CLDN3: variants seen among roughly 807,000 people sequenced by gnomAD.
CLDN3 encodes claudin 3.
In CLDN3, 6 loss-of-function variants were observed where a neutral mutation model predicts 16.3. The ratio of observed to expected loss-of-function variants is 0.37; its 90% CI spans 0.20 to 0.73. CLDN3 has a LOEUF of 0.73. CLDN3 is among the 30% of genes least tolerant of loss of function. The pLI, the probability that CLDN3 is intolerant of heterozygous loss-of-function variation, is 0.52. For missense variants in CLDN3, 248 were observed against 305.2 expected (o/e 0.81, Z 1.40); for synonymous variants, 145 against 150.1 (o/e 0.97, Z 0.25).
chr7:73,769,206 G>T lies in CLDN3; in HGVS notation c.*181C>A, dbSNP rs1019821355. The T allele has an allele frequency of 1.4e-6, 2 of 1,411,432 alleles. No individual in the cohort carries two copies. The highest frequency in any genetic ancestry group is 1.5e-5 in the South Asian group (1 of 66,654). 87.4% of individuals were successfully genotyped at this position (1,411,432 alleles called of 1,614,324 possible). On this transcript the variant is annotated 3_prime_UTR_variant, in exon 1 of 1. Transcript: ENST00000395145. ...GGCCCCGAAGTCGACTGCCCGGCCC[G>T]CAAAGCCGTGGCTGCTGGGGAAGCT...
rs1787010764 is a variant in CLDN3, at chr7:73,769,495, G to A, written c.555C>T (p.Pro185=). 6.2e-7 allele frequency: 1 copy of A among 1,609,764 alleles called. No homozygotes were observed. Residue 185 remains proline, a synonymous_variant, in exon 1 of 1, where the codon CCC becomes CCT. Coordinates refer to ENST00000395145, the MANE Select transcript of CLDN3 (RefSeq NM_001306.4). ...LGGALLCCSC[P]PREKKYTATK... ...TGGCCGTGTACTTCTTCTCGCGTGG[G>A]GGACACGAGCAGCAGAGCAGCGCGC... is the stretch of plus-strand genomic sequence containing the variant.
Position 73,770,086 on chromosome 7 carries a change from C to T in CLDN3, c.-37G>A, listed in dbSNP as rs1345543732. ...CAAGGCCCGCTCCACCGGGTGGCTC[C>T]GGGTGCGGGGAGACGAGGGGCCGGG... On this transcript the variant is annotated 5_prime_UTR_variant, in exon 1 of 1. Coordinates refer to ENST00000395145, the MANE Select transcript of CLDN3 (RefSeq NM_001306.4). The surrounding 1 kb of genome is among the most constrained non-coding windows in gnomAD (Gnocchi z 5.7). 2.9e-5 allele frequency: 42 copies of T among 1,449,578 alleles called. No individual in the cohort carries two copies. Among genetic ancestry groups the T allele is most frequent in the Non-Finnish European group, 2.9e-5 (32 of 1,100,740 alleles). The allele number at this position is 1,449,578 out of a possible 1,614,324, so 89.8% of individuals were successfully genotyped here. A position where few individuals can be genotyped will look rare whatever the true frequency, so the allele number is the denominator to read the frequency against.
In CLDN3 at chr7:73,769,364, T is replaced by A. The variant is rs1274992648; in HGVS notation, c.*23A>T. ...GTGGTGTTGGTGGTGGTGGTGGTGGTGGGGTCTCCCTGCGTCTGTCCCTTA... is the reference window on the plus strand; with the variant it reads ...GTGGTGTTGGTGGTGGTGGTGGTGGAGGGGTCTCCCTGCGTCTGTCCCTTA... On this transcript the variant is annotated 3_prime_UTR_variant, in exon 1 of 1. Transcript: ENST00000395145. 1 of 1,564,278 alleles carries A rather than the reference T, an allele frequency of 6.4e-7. No homozygotes were observed. Among genetic ancestry groups the A allele is most frequent in the African/African-American group, 1.4e-5 (1 of 73,900 alleles).
In CLDN3 at chr7:73,769,310, G is replaced by T; in HGVS notation, c.*77C>A. 1.3e-6 allele frequency: 2 copies of T among 1,524,872 alleles called. No individual in the cohort carries two copies. The highest frequency in any genetic ancestry group is 2.3e-5 in the East Asian group (1 of 43,346). The allele number at this position is 1,524,872 out of a possible 1,614,324, so 94.5% of individuals were successfully genotyped here. ...GGCAAGGCTGCACGCTGGATGGCCT[G>T]GTGCGCGCTCCAGCTCGCGGTGGTG... On this transcript the variant is annotated 3_prime_UTR_variant, in exon 1 of 1. Coordinates refer to ENST00000395145, the MANE Select transcript of CLDN3 (RefSeq NM_001306.4).
chr7:73,769,744 C>T lies in CLDN3; in HGVS notation c.306G>A (p.Gln102=). 3 of 1,611,010 alleles carry T rather than the reference C, an allele frequency of 1.9e-6. No homozygotes were observed. Among genetic ancestry groups the T allele is most frequent in the Non-Finnish European group, 2.5e-6 (3 of 1,178,750 alleles). ...TGTCGTCCTGCACGCAGTTGGTGCA[C>T]TGGGCGCCCACCAGCGCCACTAGCA... ...FGLLVALVGA[Q]CTNCVQDDTA... Residue 102 remains glutamine (Q), a synonymous_variant, in exon 1 of 1, where the codon CAG becomes CAA. Coordinates refer to ENST00000395145, the MANE Select transcript of CLDN3 (RefSeq NM_001306.4).
chr7:73,769,272 G>C lies in CLDN3; in HGVS notation c.*115C>G. 2.1e-6 allele frequency: 3 copies of C among 1,462,142 alleles called. No individual in the cohort carries two copies. Among genetic ancestry groups the C allele is most frequent in the Non-Finnish European group, 2.7e-6 (3 of 1,112,154 alleles). The allele number at this position is 1,462,142 out of a possible 1,614,324, so 90.6% of individuals were successfully genotyped here. A position where few individuals can be genotyped will look rare whatever the true frequency, so the allele number is the denominator to read the frequency against. On this transcript the variant is annotated 3_prime_UTR_variant, in exon 1 of 1. Coordinates refer to ENST00000395145, the MANE Select transcript of CLDN3 (RefSeq NM_001306.4). Reference sequence around the variant, plus strand: ...GGGGGCTTCCTGGCTTCTGGGGGTGGGCTGGCCTCCGAGGCAAGGCTGCAC... The same window carrying C: ...GGGGGCTTCCTGGCTTCTGGGGGTGCGCTGGCCTCCGAGGCAAGGCTGCAC...
At position 73,769,282 on chromosome 7, in the gene CLDN3, C is replaced by G; in HGVS notation, c.*105G>C. On this transcript the variant is annotated 3_prime_UTR_variant, in exon 1 of 1. Coordinates refer to ENST00000395145, the MANE Select transcript of CLDN3 (RefSeq NM_001306.4). ...TGGCTTCTGGGGGTGGGCTGGCCTC[C>G]GAGGCAAGGCTGCACGCTGGATGGC... is the stretch of plus-strand genomic sequence containing the variant. 3 of 1,475,218 alleles carry G rather than the reference C, an allele frequency of 2.0e-6. No individual in the cohort carries two copies. Among genetic ancestry groups the G allele is most frequent in the Non-Finnish European group, 2.7e-6 (3 of 1,119,190 alleles). 91.4% of individuals were successfully genotyped at this position (1,475,218 alleles called of 1,614,324 possible). A position where few individuals can be genotyped will look rare whatever the true frequency, so the allele number is the denominator to read the frequency against.
At position 73,769,019 on chromosome 7, in the gene CLDN3, G is replaced by T; in HGVS notation, c.*368C>A. On this transcript the variant is annotated 3_prime_UTR_variant, in exon 1 of 1. Transcript: ENST00000395145. ...GAGTGCAAAACGAAAGGCTTTTATT[G>T]AAAAATATCAAGTGCCCCTTCCAGG... 3.1e-6 allele frequency: 1 copy of T among 322,994 alleles called. No homozygotes were observed. The highest frequency in any genetic ancestry group is 6.9e-5 in the South Asian group (1 of 14,402). 20.0% of individuals were successfully genotyped at this position (322,994 alleles called of 1,614,324 possible).
chr7:73,769,995 C>A lies in CLDN3; in HGVS notation c.55G>T (p.Gly19Cys). 6.2e-7 allele frequency: 1 copy of A among 1,611,562 alleles called. No individual in the cohort carries two copies. Among genetic ancestry groups the A allele is most frequent in the Non-Finnish European group, 8.5e-7 (1 of 1,179,256 alleles). ...GTALAVLGWL[G>C]TIVCCALPMW... ...GGCAACGCGCAGCACACGATGGTGCCCAGCCAGCCCAGCACGGCCAGCGCG... is the reference window on the plus strand; with the variant it reads ...GGCAACGCGCAGCACACGATGGTGCACAGCCAGCCCAGCACGGCCAGCGCG... Residue 19 changes from glycine (G) to cysteine (C), a missense_variant, in exon 1 of 1, where the codon GGC becomes TGC. Coordinates refer to ENST00000395145, the MANE Select transcript of CLDN3 (RefSeq NM_001306.4).
At position 73,769,567 on chromosome 7, in the gene CLDN3, C is replaced by G; in HGVS notation, c.483G>C (p.Ala161=). 2 of 1,603,522 alleles carry G rather than the reference C, an allele frequency of 1.2e-6. No individual in the cohort carries two copies. The change falls in exon 1 of 1, where the codon GCG becomes GCC. Residue 161 remains alanine, a synonymous_variant. Transcript: ENST00000395145. ...CGGCCGCCCAGCCCACGTACAGGCC[C>G]GCGCCCATCTCGCGCTTCTGCGCCT... is the stretch of plus-strand genomic sequence containing the variant. The part of the protein sequence containing the change: ...VPEAQKREMG[A]GLYVGWAAAA...
Position 73,770,184 on chromosome 7 carries a change from GC to G in CLDN3, c.-136del. ...GGACGGACTGACTCACCGACGGCGCGCGCTAACGGCTCGGCTCCATACGCTC... is the reference window on the plus strand; with the variant it reads ...GGACGGACTGACTCACCGACGGCGCGGCTAACGGCTCGGCTCCATACGCTC... On this transcript the variant is annotated 5_prime_UTR_variant, in exon 1 of 1. Coordinates refer to ENST00000395145, the MANE Select transcript of CLDN3 (RefSeq NM_001306.4). This position sits in a 1 kb window ranked among gnomAD's most constrained non-coding sequence, Gnocchi z 5.7. 1 of 1,291,676 alleles carries G rather than the reference GC, an allele frequency of 7.7e-7. No individual in the cohort carries two copies. Among genetic ancestry groups the G allele is most frequent in the Non-Finnish European group, 1.0e-6 (1 of 1,001,222 alleles). 80.0% of individuals were successfully genotyped at this position (1,291,676 alleles called of 1,614,324 possible).
At position 73,769,246 on chromosome 7, in the gene CLDN3, C is replaced by T. The variant is rs1314549230; in HGVS notation, c.*141G>A. 2 of 1,439,796 alleles carry T rather than the reference C, an allele frequency of 1.4e-6. No homozygotes were observed. Among genetic ancestry groups the T allele is most frequent in the Non-Finnish European group, 1.8e-6 (2 of 1,101,782 alleles). The allele number at this position is 1,439,796 out of a possible 1,614,324, so 89.2% of individuals were successfully genotyped here. On this transcript the variant is annotated 3_prime_UTR_variant, in exon 1 of 1. Transcript: ENST00000395145. The stretch of plus-strand genomic sequence containing the variant: ...CTGGGGAAGCTGCCCCAGTCCAGCG[C>T]GGGGGCTTCCTGGCTTCTGGGGGTG...
rs1219855497 is a variant in CLDN3, at chr7:73,769,605, G to A, written c.445C>T (p.Pro149Ser). 10 of 1,611,372 alleles carry A rather than the reference G, an allele frequency of 6.2e-6. No homozygotes were observed. Among genetic ancestry groups the A allele is most frequent in the Non-Finnish European group, 8.5e-6 (10 of 1,179,032 alleles). The change falls in exon 1 of 1, where the codon CCC becomes TCC. Residue 149 changes from proline to serine, a missense_variant. Pro to Ser is a moderately conservative substitution (Grantham distance 74, BLOSUM62 -1). Transcript: ENST00000395145. ...ANTIIRDFYN[P>S]VVPEAQKREM... ...CGCTTCTGCGCCTCGGGCACCACGG[G>A]GTTGTAGAAGTCCCGGATAATGGTG...
chr7:73,769,614 A>C lies in CLDN3; in HGVS notation c.436T>G (p.Phe146Val), dbSNP rs1787014350. 1 of 1,612,250 alleles carries C rather than the reference A, an allele frequency of 6.2e-7. No individual in the cohort carries two copies. Among genetic ancestry groups the C allele is most frequent in the Non-Finnish European group, 8.5e-7 (1 of 1,179,394 alleles). Residue 146 changes from phenylalanine to valine, a missense_variant, in exon 1 of 1, where the codon TTC becomes GTC. Phe to Val is a conservative substitution (Grantham distance 50). Coordinates refer to ENST00000395145, the MANE Select transcript of CLDN3 (RefSeq NM_001306.4). ...GCCTCGGGCACCACGGGGTTGTAGA[A>C]GTCCCGGATAATGGTGTTGGCCGAC... Reference protein sequence around the residue: ...SWSANTIIRDFYNPVVPEAQK... With the variant: ...SWSANTIIRDVYNPVVPEAQK...
In CLDN3 at chr7:73,769,316, C is replaced by T. The variant is rs1258213084; in HGVS notation, c.*71G>A. 31 of 1,526,732 alleles carry T rather than the reference C, an allele frequency of 2.0e-5. No homozygotes were observed. Among genetic ancestry groups the T allele is most frequent in the Non-Finnish European group, 2.6e-5 (30 of 1,143,814 alleles). The allele number at this position is 1,526,732 out of a possible 1,614,324, so 94.6% of individuals were successfully genotyped here. A position where few individuals can be genotyped will look rare whatever the true frequency, so the allele number is the denominator to read the frequency against. On this transcript the variant is annotated 3_prime_UTR_variant, in exon 1 of 1. Transcript: ENST00000395145. ...GCTGCACGCTGGATGGCCTGGTGCG[C>T]GCTCCAGCTCGCGGTGGTGGTGGTG...
At position 73,769,918 on chromosome 7, in the gene CLDN3, G is replaced by A. The variant is rs782636106; in HGVS notation, c.132C>T (p.Asn44=). The change falls in exon 1 of 1, where the codon AAC becomes AAT. Residue 44 remains asparagine (N), a synonymous_variant. Coordinates refer to ENST00000395145, the MANE Select transcript of CLDN3 (RefSeq NM_001306.4). Reference sequence around the variant, plus strand: ...AGTTCATCCACAGGCCCTCCCAGATGTTCTGCGACGTGATGATGTTGCTGC... The same window carrying A: ...AGTTCATCCACAGGCCCTCCCAGATATTCTGCGACGTGATGATGTTGCTGC... ...FIGSNIITSQ[N]IWEGLWMNCV... 56 of 1,613,208 alleles carry A rather than the reference G, an allele frequency of 3.5e-5. No individual in the cohort carries two copies. In the Admixed American group the frequency reaches 9.2e-4, roughly 26 times the overall value.
Position 73,769,765 on chromosome 7 carries a change from TAGCAGCCCGAAGGCGGCC to T in CLDN3, c.267_284del (p.Ala90_Leu95del). ...TGCACTGGGCGCCCACCAGCGCCAC[TAGCAGCCCGAAGGCGGCC>T]AGCAGGATGGCCACCACGATGAGGG... On this transcript the variant is annotated inframe_deletion, in exon 1 of 1. Coordinates refer to ENST00000395145, the MANE Select transcript of CLDN3 (RefSeq NM_001306.4). 6.2e-7 allele frequency: 1 copy of T among 1,611,286 alleles called. No homozygotes were observed. Among genetic ancestry groups the T allele is most frequent in the Non-Finnish European group, 8.5e-7 (1 of 1,178,914 alleles).
In CLDN3 at chr7:73,770,023, G is replaced by T. The variant is rs1554626774; in HGVS notation, c.27C>A (p.Gly9=). The T allele has an allele frequency of 6.2e-7, 1 of 1,601,738 alleles. No homozygotes were observed. Among genetic ancestry groups the T allele is most frequent in the Non-Finnish European group, 8.5e-7 (1 of 1,174,418 alleles). ...GCCAGCCCAGCACGGCCAGCGCGGT[G>T]CCCGTGATCTCCAGGCCCATGGACA... MSMGLEIT[G]TALAVLGWLG... The change falls in exon 1 of 1, where the codon GGC becomes GGA. Residue 9 remains glycine (G), a synonymous_variant. Transcript: ENST00000395145. The surrounding 1 kb of genome is among the most constrained non-coding windows in gnomAD (Gnocchi z 5.7).
chr7:73,769,203 C>A lies in CLDN3; in HGVS notation c.*184G>T. Reference sequence around the variant, plus strand: ...CTGGGCCCCGAAGTCGACTGCCCGGCCCGCAAAGCCGTGGCTGCTGGGGAA... The same window carrying A: ...CTGGGCCCCGAAGTCGACTGCCCGGACCGCAAAGCCGTGGCTGCTGGGGAA... On this transcript the variant is annotated 3_prime_UTR_variant, in exon 1 of 1. Transcript: ENST00000395145. 2 of 1,409,768 alleles carry A rather than the reference C, an allele frequency of 1.4e-6. No individual in the cohort carries two copies. Among genetic ancestry groups the A allele is most frequent in the Non-Finnish European group, 1.8e-6 (2 of 1,082,538 alleles). 87.3% of individuals were successfully genotyped at this position (1,409,768 alleles called of 1,614,324 possible).
Sources: gnomAD v4.1 joint callset for allele counts on GRCh38, gnomAD v4.1.1 for gene constraint, Gnocchi (gnomAD v3.1) non-coding constraint, MANE v1.5 for transcripts, NCBI Gene and HGNC (gene_info 2026-07-23, HGNC 2026-07-21) for gene names.